The following LRP1B variants were observed in gnomAD, a reference collection of about 807,000 sequenced individuals.
LRP1B encodes the protein LDL receptor related protein 1B.
Under a neutral mutation model 556.6 loss-of-function variants are expected in LRP1B, and 217 were observed. The ratio of observed to expected loss-of-function variants is 0.39; its 90% CI spans 0.35 to 0.44. The LOEUF (loss-of-function observed/expected upper bound fraction) is 0.44. Ranked by LOEUF, LRP1B falls within the 20% of genes least tolerant of loss-of-function variation. The pLI, the probability that LRP1B is intolerant of heterozygous loss-of-function variation, is 1.00. For missense variants in LRP1B, 5,053 were observed against 5,620.8 expected, an observed-to-expected ratio of 0.90 and a Z score of 3.23; for synonymous variants, 2,047 against 1,865.8, an observed-to-expected ratio of 1.10 and a Z score of -2.50.
chr2:141,385,046 G>C (rs557540631), intron 3 of LRP1B, among the ~76,000 whole-genome samples: 1 of 152,092 alleles, frequency 6.6e-6, no homozygotes, highest in Non-Finnish European at 1.5e-5. Context: ...TGCTGGACTC[G>C]GGGTACCCGC....
At chr2:141,033,343 G>A (rs1574001752) in intron 11 of LRP1B, among the ~76,000 whole-genome samples, 3 of 152,080 alleles carry the variant, frequency 2.0e-5, no homozygotes, top group Admixed American at 2.0e-4. Flanking sequence ...CTTATTTTGA[G>A]TGACAGGAAG....
At chr2:141,720,689 C>CT (rs1348353703) in intron 2 of LRP1B, among the ~76,000 whole-genome samples, 12 of 152,086 alleles carry the variant, frequency 7.9e-5, no homozygotes, top group African/African-American at 2.7e-4. Flanking sequence ...TCATTACAGT[C>CT]TTTTCATCAT....
At chr2:141,731,335 G>T (rs961146247) in intron 2 of LRP1B, among the ~76,000 whole-genome samples, 2 of 152,088 alleles carry the variant, frequency 1.3e-5, no homozygotes, top group Non-Finnish European at 2.9e-5. Context: ...ACATTTGCGG[G>T]TAAGGATAAG....
At chr2:140,890,588 ATAAAC>A (rs982862195) in intron 23 of LRP1B, among the ~76,000 whole-genome samples, 2 of 151,996 alleles carry the variant, frequency 1.3e-5, no homozygotes, top group African/African-American at 2.4e-5. Context: ...AACAAACAAA[ATAAAC>A]TAGTTTACCA....
chr2:140,907,720 C>T (rs1300783703), intron 22 of LRP1B, among the ~76,000 whole-genome samples, 157 bp downstream of exon 22: 2 of 151,990 alleles, frequency 1.3e-5, no homozygotes, highest in East Asian at 3.9e-4. Flanking sequence ...TTACTGTAGC[C>T]TTAGAGTGTC....
At chr2:141,628,999 C>T (rs1688809457) in intron 2 of LRP1B, among the ~76,000 whole-genome samples, 1 of 152,124 alleles carries the variant, frequency 6.6e-6, no homozygotes, top group South Asian at 2.1e-4. Flanking sequence ...TTAATTTGTA[C>T]AACCAATCTG....
At chr2:141,307,223 T>C (rs923425367) in intron 3 of LRP1B, among the ~76,000 whole-genome samples, 6 of 152,152 alleles carry the variant, frequency 3.9e-5, no homozygotes, top group African/African-American at 1.4e-4. Context: ...TCCCCAAATA[T>C]TATTGTACTG....
chr2:140,843,632 C>A (rs1243495799), intron 29 of LRP1B, among the ~76,000 whole-genome samples: 2 of 152,134 alleles, frequency 1.3e-5, no homozygotes, highest in African/African-American at 2.4e-5. Context: ...GATTTCATAA[C>A]CTACCCCCAT....
At chr2:142,089,232 T>TTA (rs1706068926) in intron 1 of LRP1B, among the ~76,000 whole-genome samples, 1 of 151,852 alleles carries the variant, frequency 6.6e-6, no homozygotes, top group African/African-American at 2.4e-5. Context: ...TCTGCAACTA[T>TTA]TTAAGAATCT....
At chr2:140,585,862 G>T (rs1681962324) in intron 43 of LRP1B, among the ~76,000 whole-genome samples, 1 of 152,042 alleles carries the variant, frequency 6.6e-6, no homozygotes. Flanking sequence ...TGGAAAATCA[G>T]TGATTTCAAT....
intron 54 of LRP1B, 108 bp downstream of exon 54, chr2:140,502,855 C>T: frequency 1.8e-6 from 2 of 1,082,426 alleles, no homozygotes; most frequent in East Asian, 2.4e-5. Flanking sequence ...ACATCACATG[C>T]TTAATAATTT....
At chr2:141,600,063 C>G (rs1687670888) in intron 2 of LRP1B, among the ~76,000 whole-genome samples, 1 of 152,146 alleles carries the variant, frequency 6.6e-6, no homozygotes, top group Non-Finnish European at 1.5e-5. Flanking sequence ...ATTTCCTACA[C>G]CATTCAGTAC....
At chr2:141,063,294 T>C (rs915185614) in intron 7 of LRP1B, among the ~76,000 whole-genome samples, 9 of 151,974 alleles carry the variant, frequency 5.9e-5, no homozygotes, top group African/African-American at 2.2e-4. Context: ...ACTTACATTA[T>C]CTAACAGTAT....
intron 2 of LRP1B, among the ~76,000 whole-genome samples, chr2:141,634,880 T>A (rs1037548707): frequency 2.0e-5 from 3 of 152,038 alleles, no homozygotes; most frequent in Non-Finnish European, 2.9e-5. Context: ...AGTAGAGATA[T>A]TCTAAAACAT....
intron 81 of LRP1B, 117 bp downstream of exon 81, chr2:140,323,776 C>CTTAAG: frequency 2.1e-6 from 1 of 471,284 alleles, no homozygotes; most frequent in Non-Finnish European, 3.6e-6. Flanking sequence ...ATTAAAGTTA[C>CTTAAG]TTAAGTTACT....
At chr2:140,748,799 C>CT (rs1688458334) in intron 35 of LRP1B, among the ~76,000 whole-genome samples, 1 of 18,446 alleles carries the variant, frequency 5.4e-5, no homozygotes, top group African/African-American at 1.6e-4. Context: ...ATATTATATA[C>CT]ATATTATATA....
At chr2:141,130,834 C>T (rs140972354) in intron 7 of LRP1B, among the ~76,000 whole-genome samples, 4,101 of 152,146 alleles carry the variant, frequency 0.027, 58 homozygotes, top group Non-Finnish European at 0.037. Context: ...CCATGGGATA[C>T]TATGCAGCCA....
intron 41 of LRP1B, among the ~76,000 whole-genome samples, chr2:140,646,358 C>T (rs553684501): frequency 1.3e-5 from 2 of 152,164 alleles, no homozygotes; most frequent in African/African-American, 2.4e-5. Flanking sequence ...AGAGTTCTTA[C>T]GATTGCATAG....
intron 14 of LRP1B, among the ~76,000 whole-genome samples, chr2:141,012,193 C>A (rs1170827576): frequency 6.6e-6 from 1 of 151,954 alleles, no homozygotes; most frequent in Non-Finnish European, 1.5e-5. Flanking sequence ...ACTAAAGCAA[C>A]TGGAAGCTTA....
Sources: gnomAD v4.1 joint callset for allele counts (sites outside exome capture counted in the v4.1 genomes callset) on GRCh38, gnomAD v4.1.1 for gene constraint, MANE v1.5 for transcripts, NCBI Gene and HGNC (gene_info 2026-07-23, HGNC 2026-07-21) for gene names.